ZFC3H1: variants seen among roughly 807,000 people sequenced by gnomAD.
The protein encoded by ZFC3H1 is zinc finger C3H1-type containing.
A neutral mutation model predicts 243.7 loss-of-function variants in ZFC3H1; 71 were observed. The ratio of observed to expected loss-of-function variants is 0.29; its 90% confidence interval spans 0.24 to 0.36. The LOEUF is 0.36. ZFC3H1 is among the 10% of genes least tolerant of loss of function. The pLI is 1.00. For synonymous variants in ZFC3H1, 838 were observed against 813.0 expected (o/e 1.03, Z -0.52); for missense variants, 1,966 against 2,317.1 (o/e 0.85, Z 3.11).
At chr12:71,631,104 C>A in intron 16 of ZFC3H1, 150 bp from the exon 17 acceptor site, 2 of 775,580 alleles carry the variant, frequency 2.6e-6, no homozygotes, top group South Asian at 3.6e-5. Context: ...AAAATTAATT[C>A]GAGAAAAGAC....
chr12:71,614,125 G>A (rs753009788), intron 30 of ZFC3H1, among the ~76,000 whole-genome samples: 2 of 152,056 alleles, frequency 1.3e-5, no homozygotes, highest in Non-Finnish European at 2.9e-5. Context: ...AACAAAGAGA[G>A]CAGCTACAAT....
chr12:71,632,498 C>T lies in ZFC3H1; in HGVS notation c.2834G>A (p.Arg945Lys). The T allele has an allele frequency of 1.3e-6, 2 of 1,561,948 alleles. No individual in the cohort carries two copies. Among genetic ancestry groups the T allele is most frequent in the African/African-American group, 2.8e-5 (2 of 72,582 alleles). Reference sequence around the variant, plus strand: ...ACTTGATACTGGAGAACTGTCCAGTCTCATCATTTTGTTTGGCTAAGGGAG... The same window carrying T: ...ACTTGATACTGGAGAACTGTCCAGTTTCATCATTTTGTTTGGCTAAGGGAG... ...QDRFGPNKMM[R>K]LDSSPVSSPR... The change falls in exon 15 of 35, where the codon AGA becomes AAA. Residue 945 changes from arginine (R) to lysine (K), a missense_variant. Transcript: ENST00000378743.
At chr12:71,647,946 C>T (rs1265483923) in intron 2 of ZFC3H1, 133 bp from the exon 3 acceptor site, 3 of 396,082 alleles carry the variant, frequency 7.6e-6, no homozygotes, top group Non-Finnish European at 8.8e-6. Flanking sequence ...ATCTCTCAAC[C>T]AAAAGGAAAT....
At chr12:71,649,940 G>A (rs968288887) in intron 2 of ZFC3H1, among the ~76,000 whole-genome samples, 1 of 152,198 alleles carries the variant, frequency 6.6e-6, no homozygotes, top group African/African-American at 2.4e-5. Flanking sequence ...TGTAATCCCA[G>A]CACTTTGGGA....
chr12:71,621,714 G>T lies in ZFC3H1; in HGVS notation c.4745-1399C>A, dbSNP rs901831456. 5.9e-5 allele frequency among the ~76,000 whole-genome samples: 9 copies of T among 152,148 alleles called. 1 individual carries two copies. In the South Asian group the frequency reaches 1.2e-3, roughly 21 times the overall value. On this transcript the variant is annotated intron_variant, in intron 24 of 34. Coordinates refer to ENST00000378743, the MANE Select transcript of ZFC3H1 (RefSeq NM_144982.5). ...CAAAATCAGTCTTCCCAACTTACCA[G>T]TTTTCTATTAATGACACTTTCCTTT...
chr12:71,657,229 G>C lies in ZFC3H1; in HGVS notation c.671C>G (p.Thr224Ser). The change falls in exon 2 of 35, where the codon ACT becomes AGT. Residue 224 changes from threonine to serine, a missense_variant. Thr to Ser is a moderately conservative substitution (Grantham distance 58). Around this residue, in one of 4 missense-constraint regions of ZFC3H1, gnomAD observed 484 missense variants for 449.7 expected, o/e 1.08. Coordinates refer to ENST00000378743, the MANE Select transcript of ZFC3H1 (RefSeq NM_144982.5). ...SSKNENCVEE[T>S]FEDLLLKYKQ... ...ATACTTTAAAAGCAAATCTTCAAAA[G>C]TTTCTTCCACACAGTTTTCATTTTT... 25 of 1,604,796 alleles carry C rather than the reference G, an allele frequency of 1.6e-5. No homozygotes were observed. Among genetic ancestry groups the C allele is most frequent in the Non-Finnish European group, 2.1e-5 (25 of 1,177,380 alleles).
chr12:71,638,429 G>A lies in ZFC3H1; in HGVS notation c.1714C>T (p.Pro572Ser), dbSNP rs1880518424. Reference protein sequence around the residue: ...PAPSLSLPPPPQVSSLPPLSQ... With the variant: ...PAPSLSLPPPSQVSSLPPLSQ... ...CAATTCTGACTTACAGAAACCTGAG[G>A]TGGTGGAGGCAAAGAAAGAGATGGT... The change falls in exon 7 of 35, where the codon CCT becomes TCT. Residue 572 changes from proline (P) to serine (S), a missense_variant. Pro to Ser is a moderately conservative substitution (Grantham distance 74). This residue lies in a region of ZFC3H1 where 1,383 missense variants were observed against 1,723.7 expected (regional missense o/e 0.80). Coordinates refer to ENST00000378743, the MANE Select transcript of ZFC3H1 (RefSeq NM_144982.5). The A allele has an allele frequency of 1.2e-6, 2 of 1,612,316 alleles. No individual in the cohort carries two copies. The highest frequency in any genetic ancestry group is 1.7e-6 in the Non-Finnish European group (2 of 1,179,352).
At chr12:71,633,487 G>C (rs1333810958) in intron 12 of ZFC3H1, 49 bp from the exon 13 acceptor site, 8 of 1,435,742 alleles carry the variant, frequency 5.6e-6, no homozygotes, top group Non-Finnish European at 7.4e-6. Context: ...TACAAGAGCA[G>C]ACTGTCAGAA....
chr12:71,649,475 T>G (rs913675847), intron 2 of ZFC3H1, among the ~76,000 whole-genome samples: 1 of 152,228 alleles, frequency 6.6e-6, no homozygotes, highest in Non-Finnish European at 1.5e-5. Flanking sequence ...CCATTTCACA[T>G]GCAAAGCTGT....
intron 2 of ZFC3H1, among the ~76,000 whole-genome samples, chr12:71,648,766 ATT>A (rs1880794741): frequency 6.6e-6 from 1 of 152,210 alleles, no homozygotes; most frequent in African/African-American, 2.4e-5. Flanking sequence ...ATAAATGTGA[ATT>A]TGTTGCAACA....
intron 22 of ZFC3H1, among the ~76,000 whole-genome samples, chr12:71,624,701 G>A (rs1358627919): frequency 6.6e-6 from 1 of 152,160 alleles, no homozygotes; most frequent in East Asian, 1.9e-4. Context: ...TGTGCTGGAC[G>A]CGATGGCTCA....
chr12:71,644,808 A>C (rs889097005), intron 4 of ZFC3H1, 69 bp downstream of exon 4: 1 of 1,545,150 alleles, frequency 6.5e-7, no homozygotes, highest in Non-Finnish European at 8.7e-7. Flanking sequence ...ACAAGAGCAA[A>C]ACTCTGTCTC....
chr12:71,619,256 C>G, intron 27 of ZFC3H1, 59 bp downstream of exon 27: 1 of 1,467,260 alleles, frequency 6.8e-7, no homozygotes. Flanking sequence ...AAACTGTAAT[C>G]TTTCTACTGA....
Position 71,656,765 on chromosome 12 carries a change from A to T in ZFC3H1, c.1015+120T>A, listed in dbSNP as rs1263393241. The stretch of plus-strand genomic sequence containing the variant: ...TTCAATGATATGAATGTCTACATAG[A>T]AAGTACAAAAGAATTTACAGATAAT... On this transcript the variant is annotated intron_variant, in intron 2 of 34. Transcript: ENST00000378743. 1.1e-5 allele frequency: 11 copies of T among 1,041,862 alleles called. No individual in the cohort carries two copies. The Admixed American group carries it at 2.3e-4, about 22-fold the overall frequency. 64.5% of individuals were successfully genotyped at this position (1,041,862 alleles called of 1,614,324 possible).
chr12:71,629,113 T>C (rs944851932), intron 19 of ZFC3H1, 76 bp from the exon 20 acceptor site: 1 of 1,285,502 alleles, frequency 7.8e-7, no homozygotes, highest in Non-Finnish European at 1.1e-6. Context: ...ACTCAAATAA[T>C]ATTTGAGAAG....
At position 71,610,350 on chromosome 12, in the gene ZFC3H1, G is replaced by A; in HGVS notation, c.*78C>T. On this transcript the variant is annotated 3_prime_UTR_variant, in exon 35 of 35. Coordinates refer to ENST00000378743, the MANE Select transcript of ZFC3H1 (RefSeq NM_144982.5). Reference sequence around the variant, plus strand: ...CTGCCTTACACAGACCTTAGCCAGGGATCAGCCTAATCTTGAAGAATCATT... The same window carrying A: ...CTGCCTTACACAGACCTTAGCCAGGAATCAGCCTAATCTTGAAGAATCATT... The A allele has an allele frequency of 6.6e-7, 1 of 1,513,656 alleles. No individual in the cohort carries two copies. Among genetic ancestry groups the A allele is most frequent in the South Asian group, 1.3e-5 (1 of 78,858 alleles). 93.8% of individuals were successfully genotyped at this position (1,513,656 alleles called of 1,614,324 possible). A position where few individuals can be genotyped will look rare whatever the true frequency, so the allele number is the denominator to read the frequency against.
intron 2 of ZFC3H1, among the ~76,000 whole-genome samples, chr12:71,655,454 T>C (rs1029394335): frequency 6.6e-6 from 1 of 152,036 alleles, no homozygotes; most frequent in Non-Finnish European, 1.5e-5. Flanking sequence ...AAAACTTATG[T>C]ACTTATTTCA....
intron 16 of ZFC3H1, among the ~76,000 whole-genome samples, chr12:71,631,429 G>T (rs1403949601): frequency 1.3e-5 from 2 of 151,930 alleles, no homozygotes; most frequent in African/African-American, 4.8e-5. Context: ...ATGAAGGCTG[G>T]CCAATGCACT....
chr12:71,631,124 C>G (rs972461920), intron 16 of ZFC3H1, among the ~76,000 whole-genome samples, 170 bp from the exon 17 acceptor site: 3 of 151,962 alleles, frequency 2.0e-5, no homozygotes, highest in Non-Finnish European at 4.4e-5. Context: ...CCTAGAATAT[C>G]AAGGGATAGA....
Sources: allele counts gnomAD v4.1 joint callset (sites outside exome capture counted in the v4.1 genomes callset), GRCh38; gene constraint gnomAD v4.1.1; regional missense constraint gnomAD v4.1.1; transcripts MANE v1.5; gene names NCBI Gene and HGNC (gene_info 2026-07-23, HGNC 2026-07-21).